Variants in SCARA3 observed in about 807,000 individuals in gnomAD.
SCARA3 encodes cellular stress response gene protein.
In SCARA3, 39 loss-of-function variants were observed where a neutral mutation model predicts 47.0. The ratio of observed to expected loss-of-function variants is 0.83; its 90% CI spans 0.64 to 1.08. The LOEUF (loss-of-function observed/expected upper bound fraction) is 1.08, where lower values mean the gene tolerates loss of function less well. SCARA3 is among the 50% of genes least tolerant of loss of function. SCARA3 has a pLI of 0.00. For synonymous variants in SCARA3, 356 were observed against 334.1 expected, an observed-to-expected ratio of 1.07 and a Z score of -0.71; for missense variants, 724 against 792.3, an observed-to-expected ratio of 0.91 and a Z score of 1.04.
chr8:27,732,173 G>A, the SCARA3 span, among the ~76,000 whole-genome samples: 7 of 152,328 alleles, frequency 4.6e-5, no homozygotes, highest in African/African-American at 1.2e-4. Context: ...TTTCACTGCA[G>A]TGGTTACAAG....
At chr8:27,647,841 T>C (rs562900372) in intron 1 of SCARA3, among the ~76,000 whole-genome samples, 1 of 152,310 alleles carries the variant, frequency 6.6e-6, no homozygotes, top group East Asian at 1.9e-4. Context: ...CCCTCCCTAC[T>C]GAGTCCATTC....
Position 27,671,657 on chromosome 8 carries a change from C to A in SCARA3, c.*306C>A. ...ATACATGCATGCACACACACATGCA[C>A]GCACACACACATGCACACATACACG... On this transcript the variant is annotated 3_prime_UTR_variant, in exon 6 of 6. Transcript: ENST00000301904. 2 of 1,105,320 alleles carry A rather than the reference C, an allele frequency of 1.8e-6. No individual in the cohort carries two copies. The highest frequency in any genetic ancestry group is 1.1e-6 in the Non-Finnish European group (1 of 902,822). 68.5% of individuals were successfully genotyped at this position (1,105,320 alleles called of 1,614,324 possible).
chr8:27,730,611 G>A, the SCARA3 span, among the ~76,000 whole-genome samples: 2 of 151,694 alleles, frequency 1.3e-5, no homozygotes, highest in African/African-American at 4.8e-5. Flanking sequence ...AGCCTCCTGC[G>A]TAGGTGGGAC....
chr8:27,657,758 T>G (rs1801774089), intron 4 of SCARA3, among the ~76,000 whole-genome samples: 1 of 151,816 alleles, frequency 6.6e-6, no homozygotes, highest in Non-Finnish European at 1.5e-5. Flanking sequence ...GCCAGGATGG[T>G]CTCGATCTCC....
At chr8:27,639,154 T>A (rs1801326831) in intron 1 of SCARA3, among the ~76,000 whole-genome samples, 1 of 152,160 alleles carries the variant, frequency 6.6e-6, no homozygotes, top group South Asian at 2.1e-4. Context: ...TGGGTTATTC[T>A]GAGTTGTTGC....
At chr8:27,730,115 G>T in the SCARA3 span, among the ~76,000 whole-genome samples, 1 of 152,138 alleles carries the variant, frequency 6.6e-6, no homozygotes, top group African/African-American at 2.4e-5. Context: ...CCACCCTCAA[G>T]CACAGGGATG....
chr8:27,728,200 C>T, the SCARA3 span, among the ~76,000 whole-genome samples: 1 of 152,224 alleles, frequency 6.6e-6, no homozygotes, highest in South Asian at 2.1e-4. Flanking sequence ...GTTGAGACTT[C>T]ACCGACGAGG....
intron 5 of SCARA3, among the ~76,000 whole-genome samples, chr8:27,665,473 A>T (rs1235677975): frequency 2.6e-5 from 4 of 152,208 alleles, no homozygotes; most frequent in African/African-American, 9.6e-5. Context: ...TCATTTGGGA[A>T]TTGTAGACTA....
chr8:27,656,711 C>G (rs1398507943), intron 3 of SCARA3, 71 bp from the exon 4 acceptor site: 5 of 949,188 alleles, frequency 5.3e-6, no homozygotes, highest in Non-Finnish European at 8.7e-6. Context: ...ATAAAGATGC[C>G]TTCTCAAGGA....
downstream of SCARA3, among the ~76,000 whole-genome samples, chr8:27,673,889 G>A (rs936408279): frequency 3.3e-5 from 5 of 152,180 alleles, no homozygotes; most frequent in African/African-American, 1.2e-4. Context: ...AGGGACCTGG[G>A]GGAGTCTGAG....
At position 27,634,585 on chromosome 8, in the gene SCARA3, C is replaced by T. The variant is rs1016546369; in HGVS notation, c.7+378C>T. Among the ~76,000 whole-genome samples the T allele has an allele frequency of 2.6e-5, 4 of 152,314 alleles. No homozygotes were observed. In the South Asian group the frequency reaches 6.2e-4, roughly 24 times the overall value. ...CGACCCTGGGGACCCATCAGAGAGGCCCCTGCATCCCCCACCGAGCCTTTC... is the reference window on the plus strand; with the variant it reads ...CGACCCTGGGGACCCATCAGAGAGGTCCCTGCATCCCCCACCGAGCCTTTC... On this transcript the variant is annotated intron_variant, in intron 1 of 5. Transcript: ENST00000301904.
the SCARA3 span, among the ~76,000 whole-genome samples, chr8:27,731,015 G>A: frequency 6.0e-5 from 9 of 150,846 alleles, no homozygotes; most frequent in Admixed American, 1.3e-4. Context: ...CTTTGGGGGC[G>A]TTAACAGAGG....
intron 5 of SCARA3, among the ~76,000 whole-genome samples, chr8:27,664,452 A>T (rs1054323798): frequency 1.3e-5 from 2 of 152,250 alleles, no homozygotes; most frequent in African/African-American, 4.8e-5. Flanking sequence ...AGGAATAAGC[A>T]CAGGGTCACT....
chr8:27,664,149 C>T (rs570992536), intron 5 of SCARA3, among the ~76,000 whole-genome samples: 27 of 152,330 alleles, frequency 1.8e-4, no homozygotes, highest in Admixed American at 3.3e-4. Context: ...GACATGGTAA[C>T]GGAAATCTTC....
chr8:27,723,180 G>A, the SCARA3 span, among the ~76,000 whole-genome samples: 6 of 151,978 alleles, frequency 3.9e-5, no homozygotes, highest in South Asian at 4.2e-4. Context: ...TCCTTCTTGC[G>A]GGGCCTGGAG....
intron 3 of SCARA3, among the ~76,000 whole-genome samples, chr8:27,655,008 C>T (rs983382857): frequency 1.3e-5 from 2 of 152,148 alleles, no homozygotes; most frequent in African/African-American, 4.8e-5. Context: ...GTAAACTGTA[C>T]AGTGCTTGTC....
At chr8:27,728,293 A>G in the SCARA3 span, among the ~76,000 whole-genome samples, 1 of 152,248 alleles carries the variant, frequency 6.6e-6, no homozygotes, top group Non-Finnish European at 1.5e-5. Context: ...GATTGTAAAG[A>G]CCCAGTTGGG....
the SCARA3 span, among the ~76,000 whole-genome samples, chr8:27,728,856 T>C: frequency 6.6e-6 from 1 of 152,148 alleles, no homozygotes; most frequent in Non-Finnish European, 1.5e-5. Flanking sequence ...GGGGCCCCAC[T>C]GTACACAAAA....
chr8:27,648,570 A>G (rs532257689), intron 1 of SCARA3, among the ~76,000 whole-genome samples: 49 of 152,196 alleles, frequency 3.2e-4, no homozygotes, highest in African/African-American at 1.2e-3. Context: ...CACCACTGCA[A>G]TCCAGCCTGG....
Sources: allele counts gnomAD v4.1 joint callset (sites outside exome capture counted in the v4.1 genomes callset), GRCh38; gene constraint gnomAD v4.1.1; transcripts MANE v1.5; gene names NCBI Gene and HGNC (gene_info 2026-07-23, HGNC 2026-07-21).